The following SLC16A5 variants were observed in gnomAD, a reference collection of about 807,000 sequenced individuals.
The protein encoded by SLC16A5 is monocarboxylate transporter 6.
SLC16A5 carries 29 observed loss-of-function variants against 33.2 expected under a neutral mutation model. That is an observed-to-expected ratio of 0.87 (90% CI 0.65 to 1.19). The LOEUF is 1.19. SLC16A5 is among the 50% of genes most tolerant of loss of function. The pLI is 0.00. For synonymous variants in SLC16A5, 248 were observed against 284.1 expected, an observed-to-expected ratio of 0.87 and a Z score of 1.28; for missense variants, 606 against 678.2, an observed-to-expected ratio of 0.89 and a Z score of 1.18.
intron 2 of SLC16A5, among the ~76,000 whole-genome samples, chr17:75,090,648 A>G (rs1423041602): frequency 1.3e-5 from 2 of 151,584 alleles, no homozygotes; most frequent in East Asian, 3.9e-4. Flanking sequence ...TTTAGTAGAG[A>G]CGGGGTTTCA....
At chr17:75,094,985 T>G (rs1251933190) in intron 3 of SLC16A5, among the ~76,000 whole-genome samples, 2 of 152,110 alleles carry the variant, frequency 1.3e-5, no homozygotes, top group Non-Finnish European at 2.9e-5. Context: ...CCAGGGAGAC[T>G]GCAGAGACCC....
intron 5 of SLC16A5, among the ~76,000 whole-genome samples, chr17:75,101,018 G>A (rs2073791438): frequency 6.6e-6 from 1 of 152,108 alleles, no homozygotes; most frequent in African/African-American, 2.4e-5. Context: ...GGAGGCCGGG[G>A]CGGGCAGATC....
chr17:75,092,018 A>G (rs1443827768), intron 2 of SLC16A5, among the ~76,000 whole-genome samples: 1 of 102,272 alleles, frequency 9.8e-6, no homozygotes, highest in Admixed American at 1.0e-4. Flanking sequence ...TAAGCCAAAG[A>G]TGTGAGGGGG....
In SLC16A5 at chr17:75,100,212, C is replaced by T. The variant is rs755630524; in HGVS notation, c.549C>T (p.Cys183=). 2.5e-6 allele frequency: 4 copies of T among 1,614,222 alleles called. No homozygotes were observed. The highest frequency in any genetic ancestry group is 2.7e-5 in the African/African-American group (2 of 75,068). ...LVFGGIFLHC[C]ICGAIIRPVA... ...TCGGCGGGATCTTTCTCCACTGCTG[C>T]ATCTGCGGGGCCATCATAAGGCCTG... Residue 183 remains cysteine, a synonymous_variant, in exon 5 of 7, where the codon TGC becomes TGT. Transcript: ENST00000329783.
chr17:75,099,119 G>T (rs976412655), intron 4 of SLC16A5, among the ~76,000 whole-genome samples: 1 of 152,200 alleles, frequency 6.6e-6, no homozygotes, highest in African/African-American at 2.4e-5. Context: ...GGCCCCTCTG[G>T]AGAGGTGGCG....
chr17:75,096,171 C>CT, intron 3 of SLC16A5, among the ~76,000 whole-genome samples: 1 of 151,946 alleles, frequency 6.6e-6, no homozygotes, highest in Admixed American at 6.6e-5. Flanking sequence ...TCAAGTGCCC[C>CT]TGCCCCTACC....
intron 3 of SLC16A5, among the ~76,000 whole-genome samples, chr17:75,096,784 G>A (rs1389285258): frequency 4.7e-5 from 7 of 150,438 alleles, no homozygotes; most frequent in East Asian, 2.0e-4. Flanking sequence ...CACCTGCCTC[G>A]GCCTCCCAAA....
intron 2 of SLC16A5, among the ~76,000 whole-genome samples, chr17:75,091,454 G>A (rs2073636548): frequency 6.6e-6 from 1 of 152,200 alleles, no homozygotes; most frequent in Non-Finnish European, 1.5e-5. Context: ...AGGGCAAGCA[G>A]TGCTCCGCCT....
At chr17:75,103,623 A>G (rs2073827068) in intron 5 of SLC16A5, among the ~76,000 whole-genome samples, 1 of 152,048 alleles carries the variant, frequency 6.6e-6, no homozygotes, top group Admixed American at 6.6e-5. Context: ...CCACCGTGTC[A>G]GGCCCCAAGG....
chr17:75,104,749 C>T, intron 6 of SLC16A5: 6 of 985,380 alleles, frequency 6.1e-6, no homozygotes, highest in Non-Finnish European at 7.2e-6. Context: ...CGTGCCCAGC[C>T]AGAGGAACCC....
At chr17:75,110,001 C>G (rs1004616792), downstream of SLC16A5, 2 of 369,896 alleles carry the variant, frequency 5.4e-6, no homozygotes, top group African/African-American at 4.2e-5. Context: ...GACGGTGCGC[C>G]AGTGCCCCCT....
chr17:75,109,395 G>A (rs965566856), downstream of SLC16A5, among the ~76,000 whole-genome samples: 19 of 146,382 alleles, frequency 1.3e-4, no homozygotes, highest in African/African-American at 5.3e-4. This position sits in a 1 kb window ranked among gnomAD's most constrained non-coding sequence, Gnocchi z 5.0. Flanking sequence ...AAGGACTGAT[G>A]GGGGGCGTAA....
At chr17:75,106,972 C>A (rs1485425804), downstream of SLC16A5, among the ~76,000 whole-genome samples, 1 of 151,654 alleles carries the variant, frequency 6.6e-6, no homozygotes, top group South Asian at 2.1e-4. Flanking sequence ...CAAGACCAGC[C>A]TGGGCAACAT....
At position 75,093,857 on chromosome 17, in the gene SLC16A5, C is replaced by T. The variant is rs114376355; in HGVS notation, c.199+22C>T. 4.5e-3 allele frequency: 7,210 copies of T among 1,607,666 alleles called. 269 individuals carry two copies. In the African/African-American group the frequency reaches 0.082, roughly 18 times the overall value. ...GCAGGTGAGCGGCCTAGGGAGGGGCCGATGAGAAAGTCCTAGGGGTTGCGG... is the reference window on the plus strand; with the variant it reads ...GCAGGTGAGCGGCCTAGGGAGGGGCTGATGAGAAAGTCCTAGGGGTTGCGG... On this transcript the variant is annotated intron_variant, in intron 3 of 6. Transcript: ENST00000329783.
At chr17:75,102,743 T>A (rs117863671) in intron 5 of SLC16A5, among the ~76,000 whole-genome samples, 2,667 of 152,218 alleles carry the variant, frequency 0.018, 34 homozygotes, top group Non-Finnish European at 0.03. Flanking sequence ...TTTTCTTTTT[T>A]TTTTTTTGAG....
At chr17:75,107,910 C>G (rs879302064), downstream of SLC16A5, among the ~76,000 whole-genome samples, 1 of 152,036 alleles carries the variant, frequency 6.6e-6, no homozygotes, top group African/African-American at 2.4e-5. Context: ...GCACTCCAAC[C>G]CGGGTGACAG....
chr17:75,103,866 C>A, intron 5 of SLC16A5, 104 bp from the exon 6 acceptor site: 1 of 996,068 alleles, frequency 1.0e-6, no homozygotes, highest in Non-Finnish European at 1.5e-6. Context: ...GCCACAATTC[C>A]TAGTACAGCA....
chr17:75,105,878 A>C lies in SLC16A5; in HGVS notation c.1365-2A>C. On this transcript the variant is annotated splice_acceptor_variant, in intron 6 of 6. Transcript: ENST00000329783. LOFTEE classifies it high-confidence loss of function. The stretch of plus-strand genomic sequence containing the variant: ...ATCAGGAGATTTTATTTTCATGAAC[A>C]GGTGCCAGTCTTCCCGCCAGCCACG... 6.3e-7 allele frequency: 1 copy of C among 1,592,136 alleles called. No individual in the cohort carries two copies. The highest frequency in any genetic ancestry group is 1.3e-5 in the African/African-American group (1 of 74,428).
downstream of SLC16A5, chr17:75,106,165 T>C: frequency 1.9e-6 from 1 of 519,080 alleles, no homozygotes; most frequent in Non-Finnish European, 3.4e-6. Context: ...AAAGAAAACG[T>C]AGGAGGTTGG....
Sources: gnomAD v4.1 joint callset for allele counts (sites outside exome capture counted in the v4.1 genomes callset) on GRCh38, gnomAD v4.1.1 for gene constraint, Gnocchi (gnomAD v3.1) non-coding constraint, MANE v1.5 for transcripts, NCBI Gene and HGNC (gene_info 2026-07-23, HGNC 2026-07-21) for gene names.